ARHGAP32: variants seen among roughly 807,000 people sequenced by gnomAD.
ARHGAP32 encodes the protein Rho GTPase activating protein 32, also known as rho GTPase-activating protein 32.
Under a neutral mutation model 186.5 loss-of-function variants are expected in ARHGAP32, and 51 were observed. That is an observed-to-expected ratio of 0.27 (90% confidence interval 0.22 to 0.35). ARHGAP32 has a LOEUF of 0.35. ARHGAP32 is among the 10% of genes least tolerant of loss of function. The pLI, the probability that ARHGAP32 is intolerant of heterozygous loss-of-function variation, is 1.00. For synonymous variants in ARHGAP32, 950 were observed against 964.3 expected, an observed-to-expected ratio of 0.99 and a Z score of 0.27; for missense variants, 2,186 against 2,623.5, an observed-to-expected ratio of 0.83 and a Z score of 3.64.
intron 11 of ARHGAP32, among the ~76,000 whole-genome samples, chr11:129,009,562 C>T (rs1447575793): frequency 6.6e-6 from 1 of 152,174 alleles, no homozygotes; most frequent in Non-Finnish European, 1.5e-5. Context: ...TGTTCAGCTC[C>T]CACTTATAAG....
At chr11:129,216,306 T>G (rs1223203242) in intron 1 of ARHGAP32, among the ~76,000 whole-genome samples, 2 of 152,278 alleles carry the variant, frequency 1.3e-5, no homozygotes, top group East Asian at 1.9e-4. Context: ...TCCTCTGTTC[T>G]CTTTGAAAAA....
At position 128,969,998 on chromosome 11, in the gene ARHGAP32, T is replaced by A. The variant is rs759298179; in HGVS notation, c.5215A>T (p.Asn1739Tyr). 6.2e-7 allele frequency: 1 copy of A among 1,614,092 alleles called. No homozygotes were observed. Among genetic ancestry groups the A allele is most frequent in the East Asian group, 2.2e-5 (1 of 44,872 alleles). ...VTGYFSPNDH[N>Y]VVSMPPAADV... is the part of the protein sequence containing the mutation. Reference sequence around the variant, plus strand: ...GCAGCCGGAGGCATGCTGACTACATTATGGTCGTTGGGAGAGAAATAGCCA... The same window carrying A: ...GCAGCCGGAGGCATGCTGACTACATAATGGTCGTTGGGAGAGAAATAGCCA... Residue 1739 changes from asparagine to tyrosine, a missense_variant, in exon 23 of 23, where the codon AAT becomes TAT. Physicochemically the swap from Asn to Tyr is moderately radical, Grantham distance 143. Around this residue, in one of 5 missense-constraint regions of ARHGAP32, gnomAD observed 1,502 missense variants for 1,570.0 expected, o/e 0.96. Coordinates refer to ENST00000682385, the MANE Select transcript of ARHGAP32 (RefSeq NM_001378024.1). The surrounding 1 kb of genome is among the most constrained non-coding windows in gnomAD (Gnocchi z 4.8).
chr11:129,182,469 G>T (rs2135534919), intron 1 of ARHGAP32, among the ~76,000 whole-genome samples: 1 of 152,046 alleles, frequency 6.6e-6, no homozygotes, highest in South Asian at 2.1e-4. Context: ...TTGTAATGCA[G>T]ATGTTTTATA....
intron 2 of ARHGAP32, among the ~76,000 whole-genome samples, chr11:129,142,594 C>T (rs1294534209): frequency 3.3e-5 from 5 of 151,982 alleles, no homozygotes; most frequent in African/African-American, 1.2e-4. Flanking sequence ...AATAAAACAT[C>T]TGAAATTGCC....
At chr11:129,177,232 A>G (rs985954166) in intron 1 of ARHGAP32, among the ~76,000 whole-genome samples, 3 of 152,184 alleles carry the variant, frequency 2.0e-5, no homozygotes, top group African/African-American at 7.2e-5. Flanking sequence ...CCAAGACTAA[A>G]CCAGGAAGAA....
chr11:129,270,495 C>CT (rs1022801857), intron 1 of ARHGAP32, among the ~76,000 whole-genome samples: 69 of 145,836 alleles, frequency 4.7e-4, no homozygotes, highest in Non-Finnish European at 5.9e-4. Flanking sequence ...AAGAGTCAGT[C>CT]TTTTTTTTTT....
chr11:129,217,306 C>T (rs1850339497), intron 1 of ARHGAP32, among the ~76,000 whole-genome samples: 1 of 152,052 alleles, frequency 6.6e-6, no homozygotes, highest in South Asian at 2.1e-4. Flanking sequence ...GTGGTCTATG[C>T]TCTGAAAACT....
At chr11:129,002,966 G>A (rs921823923) in intron 11 of ARHGAP32, among the ~76,000 whole-genome samples, 49 of 150,710 alleles carry the variant, frequency 3.3e-4, no homozygotes, top group Admixed American at 1.8e-3. Flanking sequence ...CCGCCACTAC[G>A]CCCGGCTAAC....
chr11:129,149,357 T>C (rs999894594), intron 2 of ARHGAP32, among the ~76,000 whole-genome samples: 5 of 152,148 alleles, frequency 3.3e-5, no homozygotes, highest in African/African-American at 1.2e-4. Context: ...ACACTAAACG[T>C]ATCTACAACC....
At position 129,041,907 on chromosome 11, in the gene ARHGAP32, T is replaced by G. The variant is rs181140648; in HGVS notation, c.964-898A>C. ...GATGTTAAAGCTGAAATATGAAAGC[T>G]CCATCACTTTGTGTATCCCTCTGTT... On this transcript the variant is annotated intron_variant, in intron 10 of 22. Coordinates refer to ENST00000682385, the MANE Select transcript of ARHGAP32 (RefSeq NM_001378024.1). Among the ~76,000 whole-genome samples the G allele has an allele frequency of 6.9e-3, 1,052 of 152,342 alleles. 4 individuals carry two copies. Among genetic ancestry groups the G allele is most frequent in the Non-Finnish European group, 0.012 (828 of 68,024 alleles).
chr11:129,083,496 G>A (rs574965998), intron 6 of ARHGAP32, among the ~76,000 whole-genome samples: 7 of 152,212 alleles, frequency 4.6e-5, no homozygotes, highest in African/African-American at 1.2e-4. Flanking sequence ...TTGTATGTTC[G>A]TACAATGTGG....
intron 1 of ARHGAP32, among the ~76,000 whole-genome samples, chr11:129,273,179 A>C (rs2135730404): frequency 1.3e-5 from 2 of 152,314 alleles, no homozygotes; most frequent in South Asian, 4.2e-4. Flanking sequence ...TCCTTTTCAT[A>C]AAATAGTTTG....
chr11:129,188,842 T>C (rs767064279), intron 1 of ARHGAP32, among the ~76,000 whole-genome samples: 4 of 152,192 alleles, frequency 2.6e-5, no homozygotes, highest in Non-Finnish European at 5.9e-5. Context: ...AAAAATATGG[T>C]TCAATTAAGC....
At chr11:129,215,667 C>T (rs1944635983) in intron 1 of ARHGAP32, among the ~76,000 whole-genome samples, 1 of 152,182 alleles carries the variant, frequency 6.6e-6, no homozygotes, top group Non-Finnish European at 1.5e-5. Flanking sequence ...CAGCCTGACT[C>T]TCCTGTCTCT....
Position 129,191,670 on chromosome 11 carries a change from GCACACA to G in ARHGAP32, c.116+407_116+412del, listed in dbSNP as rs71057930. On this transcript the variant is annotated intron_variant, in intron 1 of 22. Transcript: ENST00000682385. ...ACAAAGCAGGCAGGCAGGCAGGCAC[GCACACA>G]CACACACACACACACACACACACCA... is the stretch of plus-strand genomic sequence containing the variant. Among the ~76,000 whole-genome samples the G allele has an allele frequency of 6.1e-3, 901 of 147,614 alleles. 5 individuals are homozygous for G. The highest frequency in any genetic ancestry group is 0.019 in the African/African-American group (773 of 40,112).
intron 7 of ARHGAP32, among the ~76,000 whole-genome samples, chr11:129,066,116 CAGTT>C (rs1940680345): frequency 6.6e-6 from 1 of 152,086 alleles, no homozygotes; most frequent in Non-Finnish European, 1.5e-5. Flanking sequence ...TTGTACCTCT[CAGTT>C]ATTTTATTTA....
chr11:129,069,409 G>C (rs148831525), intron 6 of ARHGAP32, among the ~76,000 whole-genome samples: 1 of 152,100 alleles, frequency 6.6e-6, no homozygotes, highest in Non-Finnish European at 1.5e-5. Flanking sequence ...CTTACTCTGG[G>C]CTGAACCTAC....
chr11:129,158,718 A>G (rs1053504659), intron 2 of ARHGAP32, among the ~76,000 whole-genome samples: 5 of 152,212 alleles, frequency 3.3e-5, no homozygotes, highest in African/African-American at 1.2e-4. Context: ...GACCTAATAG[A>G]CATTTACAGA....
chr11:129,171,729 G>C (rs531081487), intron 1 of ARHGAP32, among the ~76,000 whole-genome samples: 29 of 152,250 alleles, frequency 1.9e-4, no homozygotes, highest in African/African-American at 7.0e-4. Context: ...AGCTTGATGG[G>C]AATAGCACTG....
Sources: gnomAD v4.1 joint callset for allele counts (sites outside exome capture counted in the v4.1 genomes callset) on GRCh38, gnomAD v4.1.1 for gene constraint, gnomAD v4.1.1 regional missense constraint, Gnocchi (gnomAD v3.1) non-coding constraint, MANE v1.5 for transcripts, NCBI Gene and HGNC (gene_info 2026-07-23, HGNC 2026-07-21) for gene names.